FDCSP: variants seen among roughly 807,000 people sequenced by gnomAD.
FDCSP encodes follicular dendritic cell secreted peptide.
A neutral mutation model predicts 8.9 loss-of-function variants in FDCSP; 8 were observed. That is an observed-to-expected ratio of 0.90 (90% confidence interval 0.53 to 1.63). The LOEUF is 1.63. Ranked by LOEUF, FDCSP falls within the 40% of genes most tolerant of loss-of-function variation. The pLI is 0.00. For missense variants in FDCSP, 101 were observed against 103.6 expected, an observed-to-expected ratio of 0.98 and a Z score of 0.11; for synonymous variants, 34 against 34.5, an observed-to-expected ratio of 0.98 and a Z score of 0.06.
chr4:70,231,332 C>A, intron 2 of FDCSP, 81 bp downstream of exon 2: 1 of 1,124,094 alleles, frequency 8.9e-7, no homozygotes, highest in Non-Finnish European at 1.3e-6. Context: ...ACCACATACA[C>A]AAGGGTGGTC....
Position 70,234,003 on chromosome 4 carries a change from C to T in FDCSP, c.91-17C>T. Reference sequence around the variant, plus strand: ...GTAAAAAGTGAAATAAACCCTTTAACTTCTTTCTTTCAACAGATCAGTGAC... The same window carrying T: ...GTAAAAAGTGAAATAAACCCTTTAATTTCTTTCTTTCAACAGATCAGTGAC... On this transcript the variant is annotated splice_polypyrimidine_tract_variant and intron_variant, in intron 3 of 4. Transcript: ENST00000317987. 2 of 1,580,792 alleles carry T rather than the reference C, an allele frequency of 1.3e-6. No individual in the cohort carries two copies. Among genetic ancestry groups the T allele is most frequent in the East Asian group, 4.5e-5 (2 of 44,306 alleles).
At chr4:70,231,955 T>G (rs1730091651) in intron 2 of FDCSP, among the ~76,000 whole-genome samples, 1 of 151,618 alleles carries the variant, frequency 6.6e-6, no homozygotes, top group Non-Finnish European at 1.5e-5. Context: ...CAAAATAGTT[T>G]AAAAGTAAAA....
At chr4:70,232,640 C>T (rs1229305549) in intron 2 of FDCSP, among the ~76,000 whole-genome samples, 1 of 151,542 alleles carries the variant, frequency 6.6e-6, no homozygotes, top group African/African-American at 2.4e-5. Flanking sequence ...GGGTTTTTTT[C>T]TCCTTCACAG....
intron 1 of FDCSP, among the ~76,000 whole-genome samples, chr4:70,227,553 C>A (rs1453448339): frequency 4.4e-5 from 6 of 136,836 alleles, no homozygotes; most frequent in Non-Finnish European, 8.3e-5. Context: ...GACATTTTCC[C>A]CAATGTAAAA....
chr4:70,229,365 T>C (rs966779230), intron 1 of FDCSP, among the ~76,000 whole-genome samples: 2 of 151,790 alleles, frequency 1.3e-5, no homozygotes, highest in African/African-American at 2.4e-5. Flanking sequence ...TTTCTCCATG[T>C]TGGGAATAAG....
chr4:70,232,642 C>T (rs1361859181), intron 2 of FDCSP, among the ~76,000 whole-genome samples: 4 of 151,358 alleles, frequency 2.6e-5, no homozygotes, highest in Admixed American at 2.0e-4. Flanking sequence ...GTTTTTTTCT[C>T]CTTCACAGGC....
intron 1 of FDCSP, among the ~76,000 whole-genome samples, chr4:70,229,480 G>A (rs1459151524): frequency 6.6e-6 from 1 of 151,760 alleles, no homozygotes; most frequent in Non-Finnish European, 1.5e-5. Context: ...GTTGTTGCAA[G>A]ATCCTAGCTT....
Position 70,231,193 on chromosome 4 carries a change from A to G in FDCSP, c.1-2A>G. ...TTATTTTTTATTTACTCCATTTTGC[A>G]GATGAAGAAAGTTCTCCTCCTGATC... On this transcript the variant is annotated splice_acceptor_variant, in intron 1 of 4. Transcript: ENST00000317987. LOFTEE classifies it low-confidence loss of function (5UTR_SPLICE). The G allele has an allele frequency of 6.3e-7, 1 of 1,593,468 alleles. No homozygotes were observed. The highest frequency in any genetic ancestry group is 1.8e-5 in the Admixed American group (1 of 57,078).
chr4:70,233,786 G>GA (rs77990589), intron 3 of FDCSP, among the ~76,000 whole-genome samples: 13,575 of 151,562 alleles, frequency 0.09, 800 homozygotes, highest in Middle Eastern at 0.14. Context: ...GTGATTGCCA[G>GA]AAAAACTTGC....
At position 70,231,223 on chromosome 4, in the gene FDCSP, C is replaced by T. The variant is rs1278152707; in HGVS notation, c.29C>T (p.Ala10Val). The change falls in exon 2 of 5, where the codon GCC becomes GTC. Residue 10 changes from alanine to valine, a missense_variant. Physicochemically the swap from Ala to Val is moderately conservative, Grantham distance 64 (BLOSUM62 0). Transcript: ENST00000317987. ...AAGAAAGTTCTCCTCCTGATCACAG[C>T]CATCTTGGCAGTGGCTGTTGGTTTC... MKKVLLLIT[A>V]ILAVAVGFPV... 2 of 1,601,146 alleles carry T rather than the reference C, an allele frequency of 1.2e-6. No homozygotes were observed. Among genetic ancestry groups the T allele is most frequent in the Admixed American group, 1.7e-5 (1 of 58,340 alleles).
intron 1 of FDCSP, among the ~76,000 whole-genome samples, chr4:70,227,234 A>C (rs1004960941): frequency 3.3e-5 from 5 of 151,466 alleles, no homozygotes; most frequent in East Asian, 1.9e-4. Flanking sequence ...GAGTGTGTGC[A>C]TGTGTGTGTT....
At chr4:70,231,611 T>C (rs1164378495) in intron 2 of FDCSP, among the ~76,000 whole-genome samples, 1 of 151,754 alleles carries the variant, frequency 6.6e-6, no homozygotes, top group African/African-American at 2.4e-5. Context: ...GCCAGTCATA[T>C]AAGAATAGAG....
chr4:70,231,218 C>A lies in FDCSP; in HGVS notation c.24C>A (p.Ile8=). MKKVLLL[I]TAILAVAVGF... is the part of the protein sequence containing the mutation. ...AGATGAAGAAAGTTCTCCTCCTGAT[C>A]ACAGCCATCTTGGCAGTGGCTGTTG... Residue 8 remains isoleucine, a synonymous_variant, in exon 2 of 5, where the codon ATC becomes ATA. Transcript: ENST00000317987. The A allele has an allele frequency of 1.2e-6, 2 of 1,601,126 alleles. No homozygotes were observed. Among genetic ancestry groups the A allele is most frequent in the South Asian group, 2.2e-5 (2 of 89,182 alleles).
chr4:70,230,834 A>G (rs1255113568), intron 1 of FDCSP, among the ~76,000 whole-genome samples: 1 of 151,766 alleles, frequency 6.6e-6, no homozygotes, highest in Non-Finnish European at 1.5e-5. Context: ...TTCTGTGATT[A>G]TCAAGTATGT....
At chr4:70,234,280 G>A in intron 4 of FDCSP, 65 bp downstream of exon 4, 8 of 1,351,530 alleles carry the variant, frequency 5.9e-6, no homozygotes, top group African/African-American at 1.5e-5. Context: ...ATAATTTCAA[G>A]GAAAAAAAAA....
At position 70,229,283 on chromosome 4, in the gene FDCSP, G is replaced by A. The variant is rs138269368; in HGVS notation, c.1-1912G>A. The stretch of plus-strand genomic sequence containing the variant: ...CTTTGTATAATTAAAGAGCATAGGG[G>A]CCTTCTTCTAGATTAGGCTTCTGCT... On this transcript the variant is annotated intron_variant, in intron 1 of 4. Transcript: ENST00000317987. Among the ~76,000 whole-genome samples, 100 of 151,760 alleles carry A rather than the reference G, an allele frequency of 6.6e-4. 3 individuals carry two copies. In the East Asian group the frequency reaches 0.019, roughly 29 times the overall value.
At chr4:70,232,420 G>T (rs1730100338) in intron 2 of FDCSP, among the ~76,000 whole-genome samples, 1 of 151,590 alleles carries the variant, frequency 6.6e-6, no homozygotes, top group Admixed American at 6.6e-5. Flanking sequence ...CAGTATTCAG[G>T]ATAGTAATAT....
chr4:70,226,761 C>T (rs749140490), intron 1 of FDCSP, among the ~76,000 whole-genome samples: 6 of 151,652 alleles, frequency 4.0e-5, no homozygotes, highest in Non-Finnish European at 7.4e-5. Context: ...TTCTACAGCA[C>T]GCAGCAATAA....
intron 1 of FDCSP, among the ~76,000 whole-genome samples, chr4:70,228,667 T>C (rs1159808837): frequency 6.6e-6 from 1 of 151,928 alleles, no homozygotes; most frequent in Non-Finnish European, 1.5e-5. Context: ...ATTTACTCTT[T>C]GATCCATAGG....
Sources: gnomAD v4.1 joint callset for allele counts (sites outside exome capture counted in the v4.1 genomes callset) on GRCh38, gnomAD v4.1.1 for gene constraint, MANE v1.5 for transcripts, NCBI Gene and HGNC (gene_info 2026-07-23, HGNC 2026-07-21) for gene names.